Variants in NUCKS1 observed in about 807,000 individuals in gnomAD.
The protein encoded by NUCKS1 is nuclear casein kinase and cyclin dependent kinase substrate 1.
NUCKS1 carries 2 observed loss-of-function variants against 33.0 expected under a neutral mutation model. The observed-to-expected ratio is 0.06, with a 90% CI of 0.02 to 0.19. The LOEUF (loss-of-function observed/expected upper bound fraction) is 0.19, where lower values mean the gene tolerates loss of function less well. Among genes scored for constraint, NUCKS1 ranks in the 10% least tolerant of loss-of-function variants. NUCKS1 has a pLI of 1.00. For missense variants in NUCKS1, 201 were observed against 293.6 expected, an observed-to-expected ratio of 0.68 and a Z score of 2.31; for synonymous variants, 106 against 102.8, an observed-to-expected ratio of 1.03 and a Z score of -0.19.
chr1:205,731,809 T>G (rs1344768151), intron 1 of NUCKS1, among the ~76,000 whole-genome samples: 2 of 151,724 alleles, frequency 1.3e-5, no homozygotes, highest in African/African-American at 4.8e-5. Context: ...GGAGAATGGC[T>G]TGAACCCGGG....
intron 3 of NUCKS1, among the ~76,000 whole-genome samples, chr1:205,726,471 C>CA (rs963796723): frequency 6.6e-6 from 1 of 151,720 alleles, no homozygotes; most frequent in African/African-American, 2.4e-5. Flanking sequence ...AATGCTCCAG[C>CA]AAAAAAAGTA....
At chr1:205,744,119 CACA>C (rs1251477312) in intron 1 of NUCKS1, among the ~76,000 whole-genome samples, 1 of 152,110 alleles carries the variant, frequency 6.6e-6, no homozygotes, top group African/African-American at 2.4e-5. Context: ...TAGGCCTCCC[CACA>C]ACAAAAGTTC....
At chr1:205,731,119 T>C (rs951100221) in intron 1 of NUCKS1, 2 of 152,218 alleles carry the variant, frequency 1.3e-5, no homozygotes, top group Admixed American at 6.5e-5. Flanking sequence ...ATGCTTTATT[T>C]AAAAAACTAT....
chr1:205,731,662 C>A (rs747389230), intron 1 of NUCKS1, among the ~76,000 whole-genome samples: 20 of 151,984 alleles, frequency 1.3e-4, no homozygotes, highest in Non-Finnish European at 2.6e-4. Context: ...GAGGCCGAGG[C>A]GGGCAGATCA....
At position 205,716,465 on chromosome 1, in the gene NUCKS1, T is replaced by C. The variant is rs1351048558; in HGVS notation, c.*1815A>G. 6.6e-6 allele frequency: 1 copy of C among 152,206 alleles called. No individual in the cohort carries two copies. Among genetic ancestry groups the C allele is most frequent in the South Asian group, 2.1e-4 (1 of 4,836 alleles). The allele number at this position is 152,206 out of a possible 1,614,324, so 9.4% of individuals were successfully genotyped here. On this transcript the variant is annotated 3_prime_UTR_variant, in exon 7 of 7. Coordinates refer to ENST00000367142, the MANE Select transcript of NUCKS1 (RefSeq NM_022731.5). ...ACACCCTCATTACAAAGTTCACACC[T>C]CTGAATTTAACCGTCATGAAAGAGA...
intron 1 of NUCKS1, among the ~76,000 whole-genome samples, chr1:205,732,779 C>CAA (rs59760552): frequency 1.1e-4 from 8 of 74,004 alleles, no homozygotes; most frequent in Non-Finnish European, 2.0e-4. Flanking sequence ...GACTCTGTCT[C>CAA]AAAAAAAAAA....
rs935924339 is a variant in NUCKS1, at chr1:205,750,137, C to G, written c.-164G>C. 2.8e-6 allele frequency: 2 copies of G among 721,384 alleles called. No homozygotes were observed. Among genetic ancestry groups the G allele is most frequent in the East Asian group, 2.9e-5 (1 of 33,918 alleles). 44.7% of individuals were successfully genotyped at this position (721,384 alleles called of 1,614,324 possible). Reference sequence around the variant, plus strand: ...CTCCGCTGCTCTTTGGTTCAGGGCTCCTGGAACAGACGAGCCCCCCGCTCC... The same window carrying G: ...CTCCGCTGCTCTTTGGTTCAGGGCTGCTGGAACAGACGAGCCCCCCGCTCC... On this transcript the variant is annotated 5_prime_UTR_variant, in exon 1 of 7. Coordinates refer to ENST00000367142, the MANE Select transcript of NUCKS1 (RefSeq NM_022731.5).
chr1:205,749,852 G>A (rs1654446313), intron 1 of NUCKS1, 105 bp downstream of exon 1: 1 of 1,265,050 alleles, frequency 7.9e-7, no homozygotes, highest in Non-Finnish European at 1.1e-6. Context: ...AGGAGGCCGC[G>A]CGCGGCACCG....
intron 1 of NUCKS1, among the ~76,000 whole-genome samples, chr1:205,749,033 A>G (rs755423238): frequency 6.6e-6 from 1 of 152,128 alleles, no homozygotes; most frequent in African/African-American, 2.4e-5. Flanking sequence ...AATTCCGAGA[A>G]TGAAGTCTGA....
chr1:205,735,772 T>C (rs565112926), intron 1 of NUCKS1, among the ~76,000 whole-genome samples: 1 of 152,334 alleles, frequency 6.6e-6, no homozygotes, highest in South Asian at 2.1e-4. Context: ...TATTAACTTG[T>C]TCCACCCAGA....
chr1:205,730,493 C>CTT (rs869264716), intron 1 of NUCKS1, among the ~76,000 whole-genome samples: 3 of 145,430 alleles, frequency 2.1e-5, no homozygotes, highest in Non-Finnish European at 4.6e-5. Context: ...TTTTCTCTCT[C>CTT]TTTTTTTTTT....
At chr1:205,746,453 T>TCACACA (rs1216661558) in intron 1 of NUCKS1, among the ~76,000 whole-genome samples, 15 of 124,572 alleles carry the variant, frequency 1.2e-4, no homozygotes, top group African/African-American at 3.7e-4. Context: ...TCTCTCTCTC[T>TCACACA]CACACACACA....
At position 205,717,091 on chromosome 1, in the gene NUCKS1, T is replaced by A. The variant is rs1230675805; in HGVS notation, c.*1189A>T. The A allele has an allele frequency of 6.2e-6, 1 of 162,460 alleles. No homozygotes were observed. Among genetic ancestry groups the A allele is most frequent in the East Asian group, 1.9e-4 (1 of 5,240 alleles). 10.1% of individuals were successfully genotyped at this position (162,460 alleles called of 1,614,324 possible). On this transcript the variant is annotated 3_prime_UTR_variant, in exon 7 of 7. Transcript: ENST00000367142. The stretch of plus-strand genomic sequence containing the variant: ...CTCGGGGTAGGGTGTGCAGTGGTGC[T>A]CTACGAAGCAGCAGGATCACAGGGA...
chr1:205,727,615 G>T, intron 3 of NUCKS1, 85 bp downstream of exon 3: 1 of 908,082 alleles, frequency 1.1e-6, no homozygotes. Context: ...AAGTATATGA[G>T]ATTCCAACAA....
chr1:205,719,412 A>G, intron 6 of NUCKS1, 115 bp downstream of exon 6: 1 of 1,036,546 alleles, frequency 9.6e-7, no homozygotes, highest in Non-Finnish European at 1.4e-6. Flanking sequence ...GATTTCTTGT[A>G]TTCCTGCTAA....
At chr1:205,748,477 G>A (rs1256857403) in intron 1 of NUCKS1, among the ~76,000 whole-genome samples, 2 of 152,168 alleles carry the variant, frequency 1.3e-5, no homozygotes, top group Admixed American at 1.3e-4. Flanking sequence ...CAAGTTTTAT[G>A]CCAAAAAAAT....
In NUCKS1 at chr1:205,715,213, C is replaced by T. The variant is rs1671802475; in HGVS notation, c.*3067G>A. ...ATCTGTAAGAAAATGCTATTTGAGC[C>T]AGTACCAAATTAAGTATTAAAATGA... is the stretch of plus-strand genomic sequence containing the variant. On this transcript the variant is annotated 3_prime_UTR_variant, in exon 7 of 7. Coordinates refer to ENST00000367142, the MANE Select transcript of NUCKS1 (RefSeq NM_022731.5). The T allele has an allele frequency of 1.3e-5, 2 of 152,102 alleles. No homozygotes were observed. Among genetic ancestry groups the T allele is most frequent in the African/African-American group, 2.4e-5 (1 of 41,418 alleles). The allele number at this position is 152,102 out of a possible 1,614,324, so 9.4% of individuals were successfully genotyped here. A position where few individuals can be genotyped will look rare whatever the true frequency, so the allele number is the denominator to read the frequency against.
chr1:205,738,415 A>C (rs1013878928), intron 1 of NUCKS1, among the ~76,000 whole-genome samples: 1 of 151,140 alleles, frequency 6.6e-6, no homozygotes, highest in African/African-American at 2.4e-5. Flanking sequence ...CCAGGACTAG[A>C]GGTGGACACT....
At chr1:205,724,695 A>AC (rs905268053) in intron 3 of NUCKS1, among the ~76,000 whole-genome samples, 23 of 149,914 alleles carry the variant, frequency 1.5e-4, no homozygotes, top group African/African-American at 4.4e-4. Flanking sequence ...CTCCATCCCC[A>AC]CCCCCCCCAA....
Sources: allele counts gnomAD v4.1 joint callset (sites outside exome capture counted in the v4.1 genomes callset), GRCh38; gene constraint gnomAD v4.1.1; transcripts MANE v1.5; gene names NCBI Gene and HGNC (gene_info 2026-07-23, HGNC 2026-07-21).